MTMR12: variants seen among roughly 807,000 people sequenced by gnomAD.
The protein encoded by MTMR12 is myotubularin related protein 12.
A neutral mutation model predicts 96.7 loss-of-function variants in MTMR12; 33 were observed. The observed-to-expected ratio is 0.34, with a 90% CI of 0.26 to 0.46. The LOEUF is 0.46. MTMR12 is among the 20% of genes least tolerant of loss of function. The probability of loss-of-function intolerance (pLI) is 1.00; values close to 1 mark genes in which losing one functional copy is unlikely to be tolerated. For missense variants in MTMR12, 721 were observed against 896.1 expected, an observed-to-expected ratio of 0.80 and a Z score of 2.49; for synonymous variants, 298 against 327.2, an observed-to-expected ratio of 0.91 and a Z score of 0.96.
intron 1 of MTMR12, among the ~76,000 whole-genome samples, chr5:32,305,838 G>A (rs757566888): frequency 1.3e-4 from 19 of 151,950 alleles, no homozygotes; most frequent in Non-Finnish European, 2.6e-4. Flanking sequence ...GGGAGGCGGA[G>A]GCTGTGGTGA....
At position 32,254,542 on chromosome 5, in the gene MTMR12, T is replaced by A. The variant is rs376909696; in HGVS notation, c.789+1151A>T. 4.6e-5 allele frequency among the ~76,000 whole-genome samples: 7 copies of A among 152,146 alleles called. No homozygotes were observed. The East Asian group carries it at 7.7e-4, about 17-fold the overall frequency. On this transcript the variant is annotated intron_variant, in intron 8 of 15. Transcript: ENST00000382142. The stretch of plus-strand genomic sequence containing the variant: ...TGAATCAGTGGCATATATTTAGAAA[T>A]TAGGAAAACTCACATAAAGATCTGT...
chr5:32,271,085 G>T, intron 4 of MTMR12, 138 bp from the exon 5 acceptor site: 4 of 1,034,992 alleles, frequency 3.9e-6, no homozygotes, highest in South Asian at 3.6e-5. Flanking sequence ...ACTTTTAAGT[G>T]ACTGCCAAAG....
At chr5:32,268,826 T>C (rs1199003493) in intron 5 of MTMR12, 32 bp from the exon 6 acceptor site, 32 of 1,548,574 alleles carry the variant, frequency 2.1e-5, no homozygotes, top group Non-Finnish European at 2.8e-5. Flanking sequence ...GATATAGTTA[T>C]GGTTTTGACA....
chr5:32,233,954 T>C lies in MTMR12; in HGVS notation c.1513-20A>G. On this transcript the variant is annotated intron_variant, in intron 14 of 15. Coordinates refer to ENST00000382142, the MANE Select transcript of MTMR12 (RefSeq NM_001040446.3). The surrounding 1 kb of genome is among the most constrained non-coding windows in gnomAD (Gnocchi z 5.0). ...TCTACCCTGCCAAAACAAGCACAGG[T>C]CATGCTGTTTTCCAGGGAGGGCTGA... The C allele has an allele frequency of 6.2e-7, 1 of 1,613,712 alleles. No homozygotes were observed. The highest frequency in any genetic ancestry group is 8.5e-7 in the Non-Finnish European group (1 of 1,179,718).
intron 1 of MTMR12, among the ~76,000 whole-genome samples, chr5:32,308,806 T>C (rs1034883521): frequency 6.6e-6 from 1 of 152,122 alleles, no homozygotes; most frequent in Admixed American, 6.5e-5. Context: ...GGTTTCACCA[T>C]GTTGGCCAGG....
At chr5:32,302,305 T>C (rs1043098552) in intron 1 of MTMR12, among the ~76,000 whole-genome samples, 10 of 152,224 alleles carry the variant, frequency 6.6e-5, no homozygotes, top group Non-Finnish European at 1.5e-4. Flanking sequence ...CAGAGACAAT[T>C]TGATTTTATT....
chr5:32,297,705 C>T (rs148904050), intron 1 of MTMR12, among the ~76,000 whole-genome samples: 1 of 152,300 alleles, frequency 6.6e-6, no homozygotes, highest in East Asian at 1.9e-4. Flanking sequence ...CAGGCATTCA[C>T]TAGGCCTTTA....
At chr5:32,263,030 C>T (rs1042716506) in intron 7 of MTMR12, 83 bp downstream of exon 7, 58 of 1,533,202 alleles carry the variant, frequency 3.8e-5, no homozygotes, top group Non-Finnish European at 5.0e-5. Context: ...GTGATGACTG[C>T]ACAACCCTGT....
At position 32,229,930 on chromosome 5, in the gene MTMR12, TCCTCAGCAGGCAGGGGG is replaced by T; in HGVS notation, c.2075_2091del (p.Ala692GlufsTer20). The T allele has an allele frequency of 6.2e-7, 1 of 1,612,618 alleles. No individual in the cohort carries two copies. The highest frequency in any genetic ancestry group is 8.5e-7 in the Non-Finnish European group (1 of 1,179,068). On this transcript the variant is annotated frameshift_variant, in exon 16 of 16. Transcript: ENST00000382142. LOFTEE classifies it high-confidence loss of function. The stretch of plus-strand genomic sequence containing the variant: ...AACAAAGACGAGAGGCGGGCAGAGT[TCCTCAGCAGGCAGGGGG>T]CCTCAGCCTGGGGGGCCTGCTGGCT...
At chr5:32,272,790 G>A (rs1749888655) in intron 3 of MTMR12, among the ~76,000 whole-genome samples, 1 of 152,168 alleles carries the variant, frequency 6.6e-6, no homozygotes. Context: ...ACACAAATGT[G>A]AACAGGGGAT....
chr5:32,228,595 T>TATATATCATATATATGTG lies in MTMR12; in HGVS notation c.*1182_*1183insCACATATATATGATATAT, dbSNP rs1561727320. 12 of 110,176 alleles carry TATATATCATATATATGTG rather than the reference T, an allele frequency of 1.1e-4. No individual in the cohort carries two copies. The highest frequency in any genetic ancestry group is 4.0e-4 in the African/African-American group (11 of 27,750). 6.8% of individuals were successfully genotyped at this position (110,176 alleles called of 1,614,324 possible). A position where few individuals can be genotyped will look rare whatever the true frequency, so the allele number is the denominator to read the frequency against. On this transcript the variant is annotated 3_prime_UTR_variant, in exon 16 of 16. Transcript: ENST00000382142. ...ATATATATATCATATATATGTGATA[T>TATATATCATATATATGTG]ATATATATATATCATATATATGATA... is the stretch of plus-strand genomic sequence containing the variant.
chr5:32,287,981 G>A (rs116560555), intron 1 of MTMR12, among the ~76,000 whole-genome samples: 2,185 of 152,204 alleles, frequency 0.014, 62 homozygotes, highest in African/African-American at 0.049. Flanking sequence ...TCTCCCTTCA[G>A]AAGCAGACAC....
intron 10 of MTMR12, among the ~76,000 whole-genome samples, chr5:32,245,684 C>T (rs575207019): frequency 5.9e-5 from 9 of 152,102 alleles, no homozygotes; most frequent in East Asian, 3.9e-4. Flanking sequence ...AAATATTAGC[C>T]GGGTGTGGTG....
At chr5:32,231,045 G>C (rs1471653028) in intron 15 of MTMR12, among the ~76,000 whole-genome samples, 1 of 152,156 alleles carries the variant, frequency 6.6e-6, no homozygotes, top group East Asian at 1.9e-4. Flanking sequence ...TCCCCCCTTG[G>C]TCATTCTCTC....
intron 3 of MTMR12, among the ~76,000 whole-genome samples, 190 bp downstream of exon 3, chr5:32,273,787 AGAC>A: frequency 6.6e-6 from 1 of 152,316 alleles, no homozygotes; most frequent in South Asian, 2.1e-4. Context: ...GGGGGAAAAA[AGAC>A]AACAGAGCTA....
At chr5:32,270,211 A>C (rs1327336993) in intron 5 of MTMR12, among the ~76,000 whole-genome samples, 1 of 152,240 alleles carries the variant, frequency 6.6e-6, no homozygotes, top group Non-Finnish European at 1.5e-5. Context: ...TCTCAAAAAA[A>C]AAAGAAAAAA....
chr5:32,274,208 A>C, intron 2 of MTMR12, 86 bp from the exon 3 acceptor site: 1 of 1,463,750 alleles, frequency 6.8e-7, no homozygotes, highest in South Asian at 1.3e-5. Context: ...CCCTATTTAC[A>C]TAAGGACAAA....
At chr5:32,277,460 T>G (rs1750099219) in intron 1 of MTMR12, among the ~76,000 whole-genome samples, 1 of 151,924 alleles carries the variant, frequency 6.6e-6, no homozygotes, top group Admixed American at 6.6e-5. Flanking sequence ...GCACTTTGGG[T>G]GGCCGAGATG....
intron 1 of MTMR12, among the ~76,000 whole-genome samples, chr5:32,277,236 A>G (rs1750090883): frequency 6.6e-6 from 1 of 152,198 alleles, no homozygotes; most frequent in Non-Finnish European, 1.5e-5. Flanking sequence ...AGGAAGACAG[A>G]AAACTCCAAG....
Sources: gnomAD v4.1 joint callset for allele counts (sites outside exome capture counted in the v4.1 genomes callset) on GRCh38, gnomAD v4.1.1 for gene constraint, Gnocchi (gnomAD v3.1) non-coding constraint, MANE v1.5 for transcripts, NCBI Gene and HGNC (gene_info 2026-07-23, HGNC 2026-07-21) for gene names.